Variants in DNAH11 observed in about 807,000 individuals in gnomAD.
The protein encoded by DNAH11 is dynein axonemal heavy chain 11, also known as axonemal beta dynein heavy chain 11.
DNAH11 carries 442 observed loss-of-function variants against 526.0 expected under a neutral mutation model. That is an observed-to-expected ratio of 0.84 (90% CI 0.78 to 0.91). The LOEUF (loss-of-function observed/expected upper bound fraction) is 0.91, where lower values mean the gene tolerates loss of function less well. DNAH11 is among the 40% of genes least tolerant of loss of function. DNAH11 has a pLI of 0.00. For missense variants in DNAH11, 6,989 were observed against 5,448.7 expected, an observed-to-expected ratio of 1.28 and a Z score of -8.90; for synonymous variants, 2,461 against 1,935.9, an observed-to-expected ratio of 1.27 and a Z score of -7.12.
intron 69 of DNAH11, 88 bp from the exon 70 acceptor site, chr7:21,864,447 A>C (rs974916700): frequency 7.4e-7 from 1 of 1,354,236 alleles, no homozygotes. Context: ...CTGCCTACTC[A>C]GTCATGTCTG....
At chr7:21,713,472 C>T (rs1784537467) in intron 42 of DNAH11, among the ~76,000 whole-genome samples, 1 of 152,158 alleles carries the variant, frequency 6.6e-6, no homozygotes, top group African/African-American at 2.4e-5. Context: ...CTTCTTATAT[C>T]TCTCCATTAA....
At chr7:21,590,628 C>G (rs1287290228) in intron 12 of DNAH11, among the ~76,000 whole-genome samples, 1 of 152,156 alleles carries the variant, frequency 6.6e-6, no homozygotes, top group East Asian at 1.9e-4. Context: ...AGCACACATA[C>G]CTAAATATAT....
chr7:21,749,698 C>A lies in DNAH11; in HGVS notation c.8694C>A (p.Tyr2898Ter). 1 of 1,613,880 alleles carries A rather than the reference C, an allele frequency of 6.2e-7. No individual in the cohort carries two copies. Among genetic ancestry groups the A allele is most frequent in the Non-Finnish European group, 8.5e-7 (1 of 1,179,848 alleles). The change falls in exon 53 of 82, where the codon TAC (tyrosine) becomes TAA (stop). Residue 2898 changes from tyrosine (Y) to a stop codon, truncating the protein, a stop_gained. Coordinates refer to ENST00000409508, the MANE Select transcript of DNAH11 (RefSeq NM_001277115.2). LOFTEE classifies it high-confidence loss of function. ...QELRVDLANL[Y>*]IRTGAKNMPT... ...TACAGGTAGATCTTGCCAATTTGTA[C>A]ATCCGAACTGGAGCCAAGAACATGC...
At position 21,707,786 on chromosome 7, in the gene DNAH11, G is replaced by C; in HGVS notation, c.6634G>C (p.Glu2212Gln). ...DLNPKAVTTD[E>Q]LFGFIHHATR... ...AAACCCTAAAGCTGTGACAACAGAT[G>C]AACTCTTTGGTTTCATACATCATGC... Residue 2212 changes from glutamate to glutamine, a missense_variant, in exon 40 of 82, where the codon GAA becomes CAA. Glu to Gln is a conservative substitution (Grantham distance 29). Coordinates refer to ENST00000409508, the MANE Select transcript of DNAH11 (RefSeq NM_001277115.2). 1 of 1,612,256 alleles carries C rather than the reference G, an allele frequency of 6.2e-7. No homozygotes were observed.
intron 74 of DNAH11, 79 bp downstream of exon 74, chr7:21,873,580 G>C: frequency 1.4e-6 from 2 of 1,395,382 alleles, no homozygotes; most frequent in Admixed American, 3.6e-5. Context: ...ATCAACCCAG[G>C]CATGTCATTG....
intron 61 of DNAH11, among the ~76,000 whole-genome samples, chr7:21,791,552 G>A (rs940366493): frequency 6.6e-6 from 1 of 152,212 alleles, no homozygotes; most frequent in African/African-American, 2.4e-5. Context: ...ACCCTCTGGA[G>A]CATCTTGGTG....
chr7:21,829,389 GA>G (rs775624336), intron 65 of DNAH11, among the ~76,000 whole-genome samples: 3 of 152,072 alleles, frequency 2.0e-5, no homozygotes, highest in Non-Finnish European at 2.9e-5. Context: ...CTTAGAGTGA[GA>G]ACCTTCAATA....
intron 28 of DNAH11, among the ~76,000 whole-genome samples, chr7:21,650,561 C>G (rs1249401756): frequency 7.2e-6 from 1 of 139,654 alleles, no homozygotes; most frequent in Non-Finnish European, 1.5e-5. Flanking sequence ...TTTTTTTTTC[C>G]AATTTAGATT....
chr7:21,596,964 C>T (rs1784885965), intron 14 of DNAH11, among the ~76,000 whole-genome samples: 1 of 152,192 alleles, frequency 6.6e-6, no homozygotes, highest in Non-Finnish European at 1.5e-5. Context: ...AGTTCTCAGG[C>T]TTCTGGTGAG....
intron 1 of DNAH11, among the ~76,000 whole-genome samples, chr7:21,544,502 A>G (rs1782733326): frequency 6.6e-6 from 1 of 152,234 alleles, no homozygotes; most frequent in African/African-American, 2.4e-5. Context: ...ACCTAAGTTA[A>G]ATAGTTATTA....
chr7:21,888,617 G>A (rs1231163591), intron 76 of DNAH11, among the ~76,000 whole-genome samples: 2 of 152,054 alleles, frequency 1.3e-5, no homozygotes, highest in Admixed American at 1.3e-4. Flanking sequence ...AGCCTCCTGA[G>A]TAGCTGGGAT....
rs553283965 is a variant in DNAH11 at position 21,763,823 on chromosome 7, CAT to C, written c.8941-1593_8941-1592del. Among the ~76,000 whole-genome samples, 324 of 145,846 alleles carry C rather than the reference CAT, an allele frequency of 2.2e-3. 1 individual carries two copies. The highest frequency in any genetic ancestry group is 8.4e-3 in the East Asian group (43 of 5,094). ...ATACATATACATATACATATATATA[CAT>C]ATATATATATACACACACAATGGAA... On this transcript the variant is annotated intron_variant, in intron 54 of 81. Coordinates refer to ENST00000409508, the MANE Select transcript of DNAH11 (RefSeq NM_001277115.2).
exon 82 of DNAH11, chr7:21,901,817 A>AAATAAAACTGTTCTACAGTT (rs1784883054): frequency 6.0e-6 from 1 of 165,636 alleles, no homozygotes; most frequent in Non-Finnish European, 1.3e-5. Flanking sequence ...GTTTTAATAA[A>AAATAAAACTGTTCTACAGTT]AATAAAACTG....
intron 2 of DNAH11, among the ~76,000 whole-genome samples, chr7:21,547,181 A>G (rs1782835436): frequency 6.6e-6 from 1 of 152,190 alleles, no homozygotes; most frequent in African/African-American, 2.4e-5. Context: ...TTTAAACGAT[A>G]TTTCTAGAGA....
chr7:21,561,643 C>T (rs1365857407), intron 5 of DNAH11, among the ~76,000 whole-genome samples: 1 of 152,046 alleles, frequency 6.6e-6, no homozygotes, highest in Non-Finnish European at 1.5e-5. Flanking sequence ...TTTGAATAGA[C>T]AATGCATGCA....
intron 23 of DNAH11, 121 bp downstream of exon 23, chr7:21,617,898 T>G (rs1785857820): frequency 9.3e-7 from 1 of 1,075,948 alleles, no homozygotes; most frequent in Admixed American, 3.1e-5. Context: ...AGCCTCTACT[T>G]GCTGTGTTAT....
rs747943621 is a variant in DNAH11 at position 21,787,498 on chromosome 7, A to C, written c.9839A>C (p.Glu3280Ala). The C allele has an allele frequency of 1.2e-5, 20 of 1,613,750 alleles. No homozygotes were observed. Among genetic ancestry groups the C allele is most frequent in the South Asian group, 1.1e-4 (10 of 91,056 alleles). ...VVNEHYLKDPEFNPNLIRTKS... is the reference protein window; with the variant it reads ...VVNEHYLKDPAFNPNLIRTKS... ...AATGAACACTATTTGAAAGACCCAG[A>C]GTTTAATCCAAACCTGATTCGAACC... Residue 3280 changes from glutamate to alanine, a missense_variant, in exon 60 of 82, where the codon GAG (glutamate) becomes GCG (alanine). Coordinates refer to ENST00000409508, the MANE Select transcript of DNAH11 (RefSeq NM_001277115.2).
Position 21,765,560 on chromosome 7 carries a change from A to C in DNAH11, c.9073A>C (p.Arg3025=). ...GGAGGCTCTGGTCTCCGTCAGCAGGAGGTTCATTGAGGAAACCAAGGGAAT... is the reference window on the plus strand; with the variant it reads ...GGAGGCTCTGGTCTCCGTCAGCAGGCGGTTCATTGAGGAAACCAAGGGAAT... ...PQEALVSVSR[R]FIEETKGIEP... Residue 3025 remains arginine, a synonymous_variant, in exon 55 of 82, where the codon AGG becomes CGG. Coordinates refer to ENST00000409508, the MANE Select transcript of DNAH11 (RefSeq NM_001277115.2). The C allele has an allele frequency of 6.4e-7, 1 of 1,562,750 alleles. No homozygotes were observed. Among genetic ancestry groups the C allele is most frequent in the Non-Finnish European group, 8.7e-7 (1 of 1,143,246 alleles).
intron 28 of DNAH11, among the ~76,000 whole-genome samples, chr7:21,639,461 G>A (rs927158794): frequency 6.6e-6 from 1 of 152,120 alleles, no homozygotes; most frequent in Admixed American, 6.5e-5. Context: ...TCCCTCCAGA[G>A]TCACCTTCAT....
Sources: gnomAD v4.1 joint callset for allele counts (sites outside exome capture counted in the v4.1 genomes callset) on GRCh38, gnomAD v4.1.1 for gene constraint, MANE v1.5 for transcripts, NCBI Gene and HGNC (gene_info 2026-07-23, HGNC 2026-07-21) for gene names.